The following CSMD1 variants were observed in gnomAD, a reference collection of about 807,000 sequenced individuals.
The protein encoded by CSMD1 is CUB and Sushi multiple domains 1.
A neutral mutation model predicts 417.5 loss-of-function variants in CSMD1; 213 were observed. The observed-to-expected ratio is 0.51, with a 90% confidence interval of 0.46 to 0.57. The LOEUF is 0.57. Among genes scored for constraint, CSMD1 ranks in the 20% least tolerant of loss-of-function variants. The pLI, the probability that CSMD1 is intolerant of heterozygous loss-of-function variation, is 0.00. For missense variants in CSMD1, 6,923 were observed against 4,529.7 expected (o/e 1.53, Z -15.17); for synonymous variants, 2,862 against 1,736.8 (o/e 1.65, Z -16.11).
At chr8:3,725,318 T>C (rs1481719) in intron 6 of CSMD1, among the ~76,000 whole-genome samples, 42,303 of 152,000 alleles carry the variant, frequency 0.28, 6,428 homozygotes, top group African/African-American at 0.4. Context: ...ATTTCAGTCA[T>C]AGGGCAGGAC....
At chr8:4,692,956 A>T (rs922282165) in intron 1 of CSMD1, among the ~76,000 whole-genome samples, 1 of 152,178 alleles carries the variant, frequency 6.6e-6, no homozygotes, top group Admixed American at 6.5e-5. Context: ...AATCCCCAAG[A>T]GGTCACCTGC....
intron 1 of CSMD1, among the ~76,000 whole-genome samples, chr8:4,925,658 T>C (rs1387927450): frequency 1.3e-5 from 2 of 151,954 alleles, no homozygotes; most frequent in Non-Finnish European, 2.9e-5. Flanking sequence ...GCCATTCTCC[T>C]GCCTCAGCCT....
At chr8:4,442,719 T>C (rs542217685) in intron 2 of CSMD1, among the ~76,000 whole-genome samples, 1 of 152,298 alleles carries the variant, frequency 6.6e-6, no homozygotes, top group East Asian at 1.9e-4. Flanking sequence ...TGTGTATTTG[T>C]TGATAATACA....
At chr8:4,929,431 T>C (rs1015523441) in intron 1 of CSMD1, among the ~76,000 whole-genome samples, 1 of 152,178 alleles carries the variant, frequency 6.6e-6, no homozygotes, top group Admixed American at 6.5e-5. Flanking sequence ...GCATTTCTAT[T>C]AGAAGTTTAA....
chr8:4,963,207 T>A (rs1280864672), intron 1 of CSMD1, among the ~76,000 whole-genome samples: 1 of 152,168 alleles, frequency 6.6e-6, no homozygotes, highest in Admixed American at 6.5e-5. Flanking sequence ...TATTTACTTA[T>A]TTATTTTATT....
At chr8:3,825,668 A>G (rs1162767317) in intron 5 of CSMD1, among the ~76,000 whole-genome samples, 1 of 152,048 alleles carries the variant, frequency 6.6e-6, no homozygotes, top group Non-Finnish European at 1.5e-5. Flanking sequence ...GCCAAGTTTT[A>G]CTCTCTAGGC....
At chr8:4,175,341 T>G (rs1201054144) in intron 3 of CSMD1, among the ~76,000 whole-genome samples, 1 of 152,162 alleles carries the variant, frequency 6.6e-6, no homozygotes, top group Non-Finnish European at 1.5e-5. Context: ...CTTCGTCACT[T>G]TTTTCTAAAT....
intron 1 of CSMD1, among the ~76,000 whole-genome samples, chr8:4,926,856 T>A (rs1806904226): frequency 6.6e-6 from 1 of 152,148 alleles, no homozygotes; most frequent in Non-Finnish European, 1.5e-5. Flanking sequence ...TTGCTATCAA[T>A]GAACTTTAAG....
chr8:4,308,236 A>C (rs1439817104), intron 3 of CSMD1, among the ~76,000 whole-genome samples: 1 of 151,964 alleles, frequency 6.6e-6, no homozygotes, highest in East Asian at 1.9e-4. Context: ...GTATGCAGTC[A>C]TGTATAGTTT....
chr8:3,598,477 T>C (rs1319886702), intron 8 of CSMD1, among the ~76,000 whole-genome samples: 2 of 152,154 alleles, frequency 1.3e-5, no homozygotes, highest in Non-Finnish European at 2.9e-5. Context: ...GACCGCCCCA[T>C]AGGCTCAAGT....
chr8:4,854,725 C>T (rs1345853048), intron 1 of CSMD1, among the ~76,000 whole-genome samples: 1 of 152,192 alleles, frequency 6.6e-6, no homozygotes, highest in Non-Finnish European at 1.5e-5. Context: ...AAACGGTGCA[C>T]CACGAGATTC....
intron 32 of CSMD1, among the ~76,000 whole-genome samples, chr8:3,200,330 G>A (rs1389373151): frequency 6.6e-6 from 1 of 151,952 alleles, no homozygotes; most frequent in East Asian, 1.9e-4. Flanking sequence ...TGAAGCTGGT[G>A]GATCACTTGA....
At chr8:3,224,862 G>A (rs1027341740) in intron 27 of CSMD1, among the ~76,000 whole-genome samples, 4 of 152,204 alleles carry the variant, frequency 2.6e-5, no homozygotes, top group Non-Finnish European at 5.9e-5. Flanking sequence ...AAACACTGCC[G>A]AATTTATAAG....
Position 3,243,845 on chromosome 8 carries a change from G to C in CSMD1, c.4154-13614C>G, listed in dbSNP as rs370177201. Reference sequence around the variant, plus strand: ...TATTTATATGTATATGCAAAGTTTTGTTATTTTCCTTTTTTGCTAAAACAA... The same window carrying C: ...TATTTATATGTATATGCAAAGTTTTCTTATTTTCCTTTTTTGCTAAAACAA... On this transcript the variant is annotated intron_variant, in intron 26 of 69. Transcript: ENST00000635120. 1.9e-3 allele frequency among the ~76,000 whole-genome samples: 281 copies of C among 151,598 alleles called. 9 individuals are homozygous for C. In the South Asian group the frequency reaches 0.057, roughly 31 times the overall value.
intron 2 of CSMD1, among the ~76,000 whole-genome samples, chr8:4,422,641 G>A (rs1209258766): frequency 2.0e-5 from 3 of 151,920 alleles, no homozygotes; most frequent in African/African-American, 7.3e-5. Context: ...AAATAAACCT[G>A]TATTTCTTAA....
Position 3,118,539 on chromosome 8 carries a change from T to C in CSMD1, c.6290A>G (p.Tyr2097Cys). 1.2e-6 allele frequency: 2 copies of C among 1,613,928 alleles called. No homozygotes were observed. Among genetic ancestry groups the C allele is most frequent in the Non-Finnish European group, 8.5e-7 (1 of 1,179,852 alleles). ...CPDPPPFQNGYMINSDYSVGQ... is the reference protein window; with the variant it reads ...CPDPPPFQNGCMINSDYSVGQ... ...CACGCTGTAATCCGAGTTGATCATG[T>C]ACCCATTCTGAAATGGGGGTGGATC... The change falls in exon 42 of 70, where the codon TAC becomes TGC. Residue 2097 changes from tyrosine to cysteine, a missense_variant. Tyr to Cys is a radical substitution (Grantham distance 194, BLOSUM62 -2). Transcript: ENST00000635120.
chr8:4,252,570 T>TTACC (rs1803152610), intron 3 of CSMD1, among the ~76,000 whole-genome samples: 1 of 152,214 alleles, frequency 6.6e-6, no homozygotes, highest in Admixed American at 6.5e-5. Context: ...AAACTGCTAC[T>TTACC]TACCTACACA....
intron 1 of CSMD1, among the ~76,000 whole-genome samples, chr8:4,762,020 T>G (rs1812142149): frequency 6.6e-6 from 1 of 151,972 alleles, no homozygotes; most frequent in Non-Finnish European, 1.5e-5. Context: ...TTACAACTTT[T>G]AATATATTAA....
At chr8:3,162,048 T>C in intron 38 of CSMD1, 111 bp downstream of exon 38, 1 of 696,018 alleles carries the variant, frequency 1.4e-6, no homozygotes, top group East Asian at 2.7e-5. Context: ...ATAGTATGAT[T>C]CACAAACTGA....
Sources: allele counts gnomAD v4.1 joint callset (sites outside exome capture counted in the v4.1 genomes callset), GRCh38; gene constraint gnomAD v4.1.1; transcripts MANE v1.5; gene names NCBI Gene and HGNC (gene_info 2026-07-23, HGNC 2026-07-21).